Variants in ENTREP2 observed in about 807,000 individuals in gnomAD.
ENTREP2 encodes the protein protein ENTREP2.
chr15:29,293,914 T>C, the ENTREP2 span, among the ~76,000 whole-genome samples: 2 of 152,212 alleles, frequency 1.3e-5, no homozygotes, highest in Non-Finnish European at 2.9e-5. Flanking sequence ...TCACAGCGCA[T>C]CCTGCAGTAA....
the ENTREP2 span, among the ~76,000 whole-genome samples, chr15:29,483,484 T>A: frequency 6.6e-6 from 1 of 152,264 alleles, no homozygotes; most frequent in Non-Finnish European, 1.5e-5. Flanking sequence ...CTTAGGTCTA[T>A]GATCTATTTT....
the ENTREP2 span, among the ~76,000 whole-genome samples, chr15:29,491,350 C>G: frequency 1.3e-5 from 2 of 152,200 alleles, no homozygotes; most frequent in Non-Finnish European, 2.9e-5. Context: ...AAGGGCTCCT[C>G]AAGCGTGGCC....
chr15:29,180,241 ATG>A, the ENTREP2 span, among the ~76,000 whole-genome samples: 2 of 152,250 alleles, frequency 1.3e-5, no homozygotes. Flanking sequence ...TCAAAAAGAT[ATG>A]TATGACTTAC....
the ENTREP2 span, among the ~76,000 whole-genome samples, chr15:29,435,260 G>C: frequency 6.6e-6 from 1 of 152,104 alleles, no homozygotes; most frequent in Non-Finnish European, 1.5e-5. Context: ...CATCCACTCT[G>C]TGCTCCCCAC....
the ENTREP2 span, chr15:29,268,309 T>C: frequency 1.3e-5 from 2 of 153,226 alleles, no homozygotes; most frequent in African/African-American, 2.4e-5. Flanking sequence ...GAACCATGAA[T>C]AATACTTATA....
the ENTREP2 span, among the ~76,000 whole-genome samples, chr15:29,642,502 T>TATATATCATATATACATATATACAC: frequency 6.8e-6 from 1 of 147,602 alleles, no homozygotes; most frequent in Non-Finnish European, 1.5e-5. Flanking sequence ...TATATACACA[T>TATATATCATATATACATATATACAC]ATATATCATA....
chr15:29,454,986 C>T, the ENTREP2 span, among the ~76,000 whole-genome samples: 1 of 152,176 alleles, frequency 6.6e-6, no homozygotes, highest in Non-Finnish European at 1.5e-5. Context: ...TGACAGTCCT[C>T]CCATGGAAAG....
At chr15:29,318,758 A>AT in the ENTREP2 span, among the ~76,000 whole-genome samples, 1 of 152,232 alleles carries the variant, frequency 6.6e-6, no homozygotes, top group Non-Finnish European at 1.5e-5. Flanking sequence ...TAACCGTCTT[A>AT]TTGCAATAGT....
the ENTREP2 span, among the ~76,000 whole-genome samples, chr15:29,295,917 T>C: frequency 6.6e-6 from 1 of 152,224 alleles, no homozygotes; most frequent in Admixed American, 6.5e-5. Flanking sequence ...TAACAGAAAC[T>C]GTGGAAAGTG....
the ENTREP2 span, among the ~76,000 whole-genome samples, chr15:29,270,497 G>A: frequency 6.6e-6 from 1 of 152,208 alleles, no homozygotes; most frequent in Non-Finnish European, 1.5e-5. Context: ...AACTGCTTTC[G>A]TCACAACCAC....
At chr15:29,399,248 A>C in the ENTREP2 span, among the ~76,000 whole-genome samples, 1 of 152,214 alleles carries the variant, frequency 6.6e-6, no homozygotes, top group Non-Finnish European at 1.5e-5. Context: ...TTCAGCCTGC[A>C]GACCCTGAGG....
the ENTREP2 span, among the ~76,000 whole-genome samples, chr15:29,290,428 C>T: frequency 3.3e-4 from 51 of 152,258 alleles, no homozygotes; most frequent in Middle Eastern, 0.01. Context: ...AGGTATCACC[C>T]CATGTCCATA....
At chr15:29,401,419 G>C in the ENTREP2 span, among the ~76,000 whole-genome samples, 50,587 of 151,996 alleles carry the variant, frequency 0.33, 8,630 homozygotes, top group Middle Eastern at 0.46. Flanking sequence ...TAGACCTACT[G>C]AATTTTCTAA....
At chr15:29,247,482 A>G in the ENTREP2 span, among the ~76,000 whole-genome samples, 8 of 152,220 alleles carry the variant, frequency 5.3e-5, no homozygotes, top group African/African-American at 1.9e-4. Context: ...ATGTATAAAA[A>G]TAGATTATAA....
At chr15:29,398,111 C>T in the ENTREP2 span, among the ~76,000 whole-genome samples, 1 of 149,834 alleles carries the variant, frequency 6.7e-6, no homozygotes, top group African/African-American at 2.5e-5. Flanking sequence ...CCAAACAAAA[C>T]CAAACATGAA....
At chr15:29,126,604 G>A in the ENTREP2 span, 19 of 838,674 alleles carry the variant, frequency 2.3e-5, no homozygotes, top group Admixed American at 5.2e-5. Context: ...CTGGGGGTGC[G>A]GAAACACTGG....
the ENTREP2 span, among the ~76,000 whole-genome samples, chr15:29,131,935 G>GGCATCTGACCTAATCCTACCCTACCCCA: frequency 1.5e-5 from 2 of 137,442 alleles, no homozygotes; most frequent in South Asian, 2.2e-4. Context: ...GAAAGAGAAT[G>GGCATCTGACCTAATCCTACCCTACCCCA]GCATCTGACC....
chr15:29,541,439 G>A, the ENTREP2 span, among the ~76,000 whole-genome samples: 2 of 152,174 alleles, frequency 1.3e-5, no homozygotes, highest in East Asian at 3.9e-4. Flanking sequence ...TTCAGATAGT[G>A]AGGAGCATGT....
the ENTREP2 span, chr15:29,611,149 A>T: frequency 2.4e-4 from 36 of 152,270 alleles, no homozygotes; most frequent in African/African-American, 8.7e-4. Flanking sequence ...TCCTACTCCC[A>T]TCACTTCCTG....
Sources: allele counts gnomAD v4.1 joint callset (sites outside exome capture counted in the v4.1 genomes callset), GRCh38; gene constraint gnomAD v4.1.1; transcripts MANE v1.5; gene names NCBI Gene and HGNC (gene_info 2026-07-23, HGNC 2026-07-21).